Variants in NINL observed in about 807,000 individuals in gnomAD.
The protein encoded by NINL is ninein like, also known as ninein-like protein.
A neutral mutation model predicts 160.3 loss-of-function variants in NINL; 153 were observed. The ratio of observed to expected loss-of-function variants is 0.95; its 90% confidence interval spans 0.84 to 1.09. The LOEUF (loss-of-function observed/expected upper bound fraction) is 1.09. Among genes scored for constraint, NINL ranks in the 50% least tolerant of loss-of-function variants. The pLI is 0.00. For synonymous variants in NINL, 800 were observed against 734.8 expected (o/e 1.09, Z -1.43); for missense variants, 1,829 against 1,764.0 (o/e 1.04, Z -0.66).
At chr20:25,509,537 A>C in intron 5 of NINL, 1 of 396,786 alleles carries the variant, frequency 2.5e-6, no homozygotes, top group Non-Finnish European at 5.0e-6. Context: ...CCTGAGCCCC[A>C]AGCTGCTCTG....
chr20:25,480,386 G>A, intron 14 of NINL, 119 bp from the exon 15 acceptor site: 1 of 717,176 alleles, frequency 1.4e-6, no homozygotes, highest in South Asian at 1.6e-5. Flanking sequence ...TGCTGGCTGT[G>A]AGGATGACGC....
chr20:25,476,347 G>C lies in NINL; in HGVS notation c.2944C>G (p.Arg982Gly), dbSNP rs971324564. Reference sequence around the variant, plus strand: ...GTGCCCCTGCTCCAGCTTCGTGCTCGCTCTTCCTGAATGGCCTGTAGCCTC... The same window carrying C: ...GTGCCCCTGCTCCAGCTTCGTGCTCCCTCTTCCTGAATGGCCTGTAGCCTC... Reference protein sequence around the residue: ...AERLQAIQEERARSWSRGTQE... With the variant: ...AERLQAIQEEGARSWSRGTQE... Residue 982 changes from arginine (R) to glycine (G), a missense_variant, in exon 17 of 24, where the codon CGA becomes GGA. Transcript: ENST00000278886. 1.2e-6 allele frequency: 2 copies of C among 1,612,220 alleles called. No individual in the cohort carries two copies. Among genetic ancestry groups the C allele is most frequent in the Non-Finnish European group, 8.5e-7 (1 of 1,179,918 alleles).
At chr20:25,580,169 C>T (rs1017329932) in intron 1 of NINL, among the ~76,000 whole-genome samples, 5 of 151,994 alleles carry the variant, frequency 3.3e-5, no homozygotes, top group Non-Finnish European at 7.4e-5. Context: ...CCCGTCTCTA[C>T]TAAAAAATAC....
At chr20:25,529,660 G>C (rs913024189) in intron 1 of NINL, among the ~76,000 whole-genome samples, 1 of 152,206 alleles carries the variant, frequency 6.6e-6, no homozygotes, top group South Asian at 2.1e-4. Context: ...GCAACATGGT[G>C]AGACCCCGTC....
At chr20:25,577,384 G>C (rs187016478) in intron 1 of NINL, among the ~76,000 whole-genome samples, 20 of 152,270 alleles carry the variant, frequency 1.3e-4, no homozygotes, top group South Asian at 8.3e-4. Flanking sequence ...CCCGAGCATG[G>C]CTGGAAGTCC....
intron 1 of NINL, among the ~76,000 whole-genome samples, chr20:25,556,241 G>GC (rs2064865022): frequency 6.6e-6 from 1 of 152,068 alleles, no homozygotes; most frequent in South Asian, 2.1e-4. Flanking sequence ...CCATGATTAT[G>GC]CCACTGCACT....
intron 1 of NINL, among the ~76,000 whole-genome samples, chr20:25,558,501 TTAA>T (rs1163775126): frequency 6.6e-6 from 1 of 152,226 alleles, no homozygotes; most frequent in Admixed American, 6.5e-5. Context: ...AACCCTTCAT[TTAA>T]TAATAATTTA....
At chr20:25,508,124 C>T (rs145393413) in intron 5 of NINL, among the ~76,000 whole-genome samples, 2 of 152,346 alleles carry the variant, frequency 1.3e-5, no homozygotes, top group African/African-American at 4.8e-5. Context: ...ACACAGGAAT[C>T]TGCCTGCTTT....
Position 25,461,589 on chromosome 20 carries a change from T to C in NINL, c.3629A>G (p.Gln1210Arg). The change falls in exon 21 of 24, where the codon CAG becomes CGG. Residue 1210 changes from glutamine to arginine, a missense_variant. By Grantham distance (43) the Gln-to-Arg change is conservative. Coordinates refer to ENST00000278886, the MANE Select transcript of NINL (RefSeq NM_025176.6). ...KLRVELECLN[Q>R]EHQSLQLPWS... ...TGGCAGCTGCAGGCTCTGATGTTCC[T>C]GATTCAGGCATTCAAGTTCAACTCT... is the stretch of plus-strand genomic sequence containing the variant. 1 of 1,610,832 alleles carries C rather than the reference T, an allele frequency of 6.2e-7. No individual in the cohort carries two copies. The highest frequency in any genetic ancestry group is 2.2e-5 in the East Asian group (1 of 44,822).
intron 16 of NINL, among the ~76,000 whole-genome samples, chr20:25,477,926 CTT>C (rs34667640): frequency 2.1e-5 from 3 of 143,136 alleles, no homozygotes; most frequent in African/African-American, 5.2e-5. Flanking sequence ...GGACAGACGA[CTT>C]TTTTTTTTTT....
chr20:25,573,845 T>A (rs955238480), intron 1 of NINL, among the ~76,000 whole-genome samples: 2 of 152,128 alleles, frequency 1.3e-5, no homozygotes, highest in Admixed American at 6.5e-5. Context: ...ACCTGAAAAG[T>A]TTCCAACATG....
chr20:25,467,502 C>T lies in NINL; in HGVS notation c.3354-44G>A, dbSNP rs138839711. On this transcript the variant is annotated intron_variant, in intron 18 of 23. Coordinates refer to ENST00000278886, the MANE Select transcript of NINL (RefSeq NM_025176.6). ...TAACAGTGATACCACTTGTGACCAA[C>T]CAGTGCCTTCTTTCCTGGTCAGCAC... 2.5e-4 allele frequency: 373 copies of T among 1,465,298 alleles called. 2 individuals are homozygous for T. In the African/African-American group the frequency reaches 4.3e-3, roughly 17 times the overall value. 90.8% of individuals were successfully genotyped at this position (1,465,298 alleles called of 1,614,324 possible).
At chr20:25,543,463 G>C (rs1003641490) in intron 1 of NINL, among the ~76,000 whole-genome samples, 3 of 152,190 alleles carry the variant, frequency 2.0e-5, no homozygotes, top group African/African-American at 7.2e-5. Context: ...AGGTAGGAGT[G>C]AGGCAGGAGA....
chr20:25,497,672 G>A (rs982020674), intron 9 of NINL, among the ~76,000 whole-genome samples: 4 of 152,216 alleles, frequency 2.6e-5, no homozygotes, highest in African/African-American at 7.2e-5. Context: ...CCAACGTCAC[G>A]GGGCATTTTG....
At chr20:25,517,410 C>T (rs1044706097) in intron 3 of NINL, among the ~76,000 whole-genome samples, 1 of 152,180 alleles carries the variant, frequency 6.6e-6, no homozygotes, top group African/African-American at 2.4e-5. Flanking sequence ...GAGGCTGAAA[C>T]CAAGGCCAGG....
At chr20:25,456,967 A>T (rs2090700374) in intron 22 of NINL, among the ~76,000 whole-genome samples, 1 of 152,142 alleles carries the variant, frequency 6.6e-6, no homozygotes, top group Non-Finnish European at 1.5e-5. Context: ...AAATCAGCTC[A>T]AATGTACACA....
intron 19 of NINL, 85 bp downstream of exon 19, chr20:25,467,304 T>C (rs1462359468): frequency 3.3e-6 from 4 of 1,195,022 alleles, no homozygotes; most frequent in Non-Finnish European, 5.0e-6. Context: ...TATTCTCTAC[T>C]TCCTTTTGTA....
At chr20:25,518,629 T>G (rs535247351) in intron 2 of NINL, among the ~76,000 whole-genome samples, 277 of 152,346 alleles carry the variant, frequency 1.8e-3, no homozygotes, top group African/African-American at 6.4e-3. Context: ...TCTGACAAAC[T>G]TTATCCTTTA....
At chr20:25,529,817 A>G (rs2064425719) in intron 1 of NINL, among the ~76,000 whole-genome samples, 1 of 152,176 alleles carries the variant, frequency 6.6e-6, no homozygotes, top group African/African-American at 2.4e-5. Context: ...CTCCAGCCTC[A>G]GCAACAGAGC....
Sources: gnomAD v4.1 joint callset for allele counts (sites outside exome capture counted in the v4.1 genomes callset) on GRCh38, gnomAD v4.1.1 for gene constraint, MANE v1.5 for transcripts, NCBI Gene and HGNC (gene_info 2026-07-23, HGNC 2026-07-21) for gene names.